Variants in PCDHA10 observed in about 807,000 individuals in gnomAD.
The protein encoded by PCDHA10 is protocadherin alpha 10, also known as protocadherin alpha-10.
PCDHA10 carries 45 observed loss-of-function variants against 61.2 expected under a neutral mutation model. The observed-to-expected ratio is 0.74, with a 90% CI of 0.58 to 0.94. The LOEUF (loss-of-function observed/expected upper bound fraction) is 0.94. Among genes scored for constraint, PCDHA10 ranks in the 40% least tolerant of loss-of-function variants. The pLI, the probability that PCDHA10 is intolerant of heterozygous loss-of-function variation, is 0.00. For synonymous variants in PCDHA10, 602 were observed against 548.8 expected, an observed-to-expected ratio of 1.10 and a Z score of -1.35; for missense variants, 1,278 against 1,236.2, an observed-to-expected ratio of 1.03 and a Z score of -0.51.
intron 1 of PCDHA10, chr5:140,876,604 G>A: frequency 6.2e-7 from 1 of 1,614,204 alleles, no homozygotes; most frequent in Non-Finnish European, 8.5e-7. Flanking sequence ...GTCGGATCGT[G>A]ACTCTGGAGC....
In PCDHA10 at chr5:140,857,050, G is replaced by T; in HGVS notation, c.1002G>T (p.Thr334=). Residue 334 remains threonine (T), a synonymous_variant, in exon 1 of 4, where the codon ACG becomes ACT. Coordinates refer to ENST00000307360, the MANE Select transcript of PCDHA10 (RefSeq NM_018901.4). ...KGNPPMVGHC[T]VLVELLDEND... ...ACCCACCTATGGTTGGTCACTGCAC[G>T]GTCCTAGTGGAACTACTGGATGAAA... 6.3e-7 allele frequency: 1 copy of T among 1,595,508 alleles called. No homozygotes were observed. The highest frequency in any genetic ancestry group is 8.6e-7 in the Non-Finnish European group (1 of 1,165,320).
chr5:140,869,432 T>C (rs1562628312), intron 1 of PCDHA10: 3 of 1,614,192 alleles, frequency 1.9e-6, no homozygotes, highest in Non-Finnish European at 2.5e-6. Context: ...GAGGTGATCG[T>C]GGACAGGCCG....
At chr5:140,859,043 C>G (rs552891148) in intron 1 of PCDHA10, 1 of 150,484 alleles carries the variant, frequency 6.6e-6, no homozygotes, top group Non-Finnish European at 1.5e-5. Context: ...ACTTTAAAAA[C>G]GTTTTCCATT....
chr5:140,884,355 T>C, intron 1 of PCDHA10: 1 of 1,613,922 alleles, frequency 6.2e-7, no homozygotes, highest in Admixed American at 1.7e-5. Context: ...CTGGTGGATG[T>C]CAATGTTTAC....
chr5:140,891,592 T>G (rs1162338197), intron 1 of PCDHA10, among the ~76,000 whole-genome samples: 1 of 152,216 alleles, frequency 6.6e-6, no homozygotes, highest in East Asian at 1.9e-4. Context: ...TATTACTCTA[T>G]CCCATCTATT....
At chr5:140,892,811 T>C (rs1554185379) in intron 1 of PCDHA10, among the ~76,000 whole-genome samples, 1 of 152,210 alleles carries the variant, frequency 6.6e-6, no homozygotes, top group Non-Finnish European at 1.5e-5. Context: ...TAACCATATT[T>C]ATCCTACAGT....
chr5:140,896,410 T>C (rs1554186951), intron 1 of PCDHA10, among the ~76,000 whole-genome samples: 1 of 152,154 alleles, frequency 6.6e-6, no homozygotes, highest in Non-Finnish European at 1.5e-5. Context: ...TTTTGACTTT[T>C]TAGTAATAGC....
chr5:140,942,545 G>T (rs981508818), intron 1 of PCDHA10, among the ~76,000 whole-genome samples: 1 of 151,970 alleles, frequency 6.6e-6, no homozygotes, highest in Non-Finnish European at 1.5e-5. Flanking sequence ...ATGGTGGGGG[G>T]TAGGGGGTTG....
intron 1 of PCDHA10, chr5:140,883,809 G>A (rs781801106): frequency 6.2e-7 from 1 of 1,612,420 alleles, no homozygotes; most frequent in East Asian, 2.2e-5. Context: ...CACGCGGAGA[G>A]CGGCAAGGTG....
intron 1 of PCDHA10, chr5:140,863,165 C>G (rs1367294208): frequency 1.5e-6 from 1 of 666,560 alleles, no homozygotes; most frequent in Non-Finnish European, 2.7e-6. Context: ...TGCGAGCTGG[C>G]GCTGACTGCC....
At chr5:140,884,607 T>C (rs1554181780) in intron 1 of PCDHA10, 1 of 1,614,044 alleles carries the variant, frequency 6.2e-7, no homozygotes, top group Non-Finnish European at 8.5e-7. Flanking sequence ...CCTCCTTGTC[T>C]GGGTTCTGCA....
rs148181752 is a variant in PCDHA10, at chr5:140,966,860, TTGCTGC to T, written c.2389-12081_2389-12076del. 7,760 of 1,577,476 alleles carry T rather than the reference TTGCTGC, an allele frequency of 4.9e-3. 268 individuals are homozygous for T. The African/African-American group carries it at 0.086, about 18-fold the overall frequency. ...GCTGCTACTGCCTCTCCTGCTGCTG[TTGCTGC>T]TGCTGCTACCTGGCCCTGCGGCCTC... On this transcript the variant is annotated intron_variant, in intron 1 of 3. Coordinates refer to ENST00000307360, the MANE Select transcript of PCDHA10 (RefSeq NM_018901.4).
chr5:140,929,232 G>A lies in PCDHA10; in HGVS notation c.2389-49717G>A, dbSNP rs782109734. On this transcript the variant is annotated intron_variant, in intron 1 of 3. Coordinates refer to ENST00000307360, the MANE Select transcript of PCDHA10 (RefSeq NM_018901.4). ...GTGGGGAGTACAATGCTGCCGACCTGCGAAATCTTGCCACTGGGGTAGGAC... is the reference window on the plus strand; with the variant it reads ...GTGGGGAGTACAATGCTGCCGACCTACGAAATCTTGCCACTGGGGTAGGAC... 2.5e-6 allele frequency: 4 copies of A among 1,613,756 alleles called. No individual in the cohort carries two copies. In the Admixed American group the frequency reaches 5.0e-5, roughly 20 times the overall value.
intron 3 of PCDHA10, among the ~76,000 whole-genome samples, chr5:140,991,033 T>C (rs2097428117): frequency 6.6e-6 from 1 of 152,212 alleles, no homozygotes; most frequent in African/African-American, 2.4e-5. Context: ...ATATGTTGCA[T>C]ACTTAACTTT....
intron 1 of PCDHA10, among the ~76,000 whole-genome samples, chr5:140,937,273 G>A (rs1165421382): frequency 1.3e-5 from 2 of 151,966 alleles, no homozygotes; most frequent in African/African-American, 2.4e-5. Context: ...TCCTGACCTC[G>A]TGATTCACCC....
At chr5:140,928,143 C>T (rs983552748) in intron 1 of PCDHA10, 2 of 1,614,228 alleles carry the variant, frequency 1.2e-6, no homozygotes, top group Middle Eastern at 1.6e-4. Context: ...TGATCACGGC[C>T]TCAGATAGTG....
At position 140,917,056 on chromosome 5, in the gene PCDHA10, T is replaced by C. The variant is rs539112715; in HGVS notation, c.2388+58620T>C. Among the ~76,000 whole-genome samples the C allele has an allele frequency of 5.9e-5, 9 of 152,280 alleles. No individual in the cohort carries two copies. The East Asian group carries it at 1.7e-3, about 29-fold the overall frequency. On this transcript the variant is annotated intron_variant, in intron 1 of 3. Transcript: ENST00000307360. ...AGTCCAGCACAGTGTTGTTCCCTGCTACGACAGCACCGAGTTTAATGTAAA... is the reference window on the plus strand; with the variant it reads ...AGTCCAGCACAGTGTTGTTCCCTGCCACGACAGCACCGAGTTTAATGTAAA...
chr5:140,869,293 T>C, intron 1 of PCDHA10: 2 of 1,613,604 alleles, frequency 1.2e-6, no homozygotes, highest in African/African-American at 1.3e-5. Flanking sequence ...GCAGCGCCTG[T>C]TCCGGGTGGC....
rs782045843 is a variant in PCDHA10 at position 140,884,051 on chromosome 5, C to A, written c.2388+25615C>A. Reference sequence around the variant, plus strand: ...TGCAGGCCACGTGGTGGCGAAGGTGCGCGCGGTGGACGCCGATTCGGGCTA... The same window carrying A: ...TGCAGGCCACGTGGTGGCGAAGGTGAGCGCGGTGGACGCCGATTCGGGCTA... On this transcript the variant is annotated intron_variant, in intron 1 of 3. Coordinates refer to ENST00000307360, the MANE Select transcript of PCDHA10 (RefSeq NM_018901.4). The A allele has an allele frequency of 9.3e-6, 15 of 1,613,426 alleles. No homozygotes were observed. In the South Asian group the frequency reaches 1.6e-4, roughly 18 times the overall value.
Sources: gnomAD v4.1 joint callset for allele counts (sites outside exome capture counted in the v4.1 genomes callset) on GRCh38, gnomAD v4.1.1 for gene constraint, MANE v1.5 for transcripts, NCBI Gene and HGNC (gene_info 2026-07-23, HGNC 2026-07-21) for gene names.